Variants in GRIK2 observed in about 807,000 individuals in gnomAD.
GRIK2 encodes glutamate ionotropic receptor kainate type subunit 2, also known as glutamate receptor ionotropic, kainate 2.
GRIK2 carries 32 observed loss-of-function variants against 100.3 expected under a neutral mutation model. The observed-to-expected ratio is 0.32, with a 90% confidence interval of 0.24 to 0.43. GRIK2 has a LOEUF of 0.43. Ranked by LOEUF, GRIK2 falls within the 20% of genes least tolerant of loss-of-function variation. GRIK2 has a pLI of 1.00. For missense variants in GRIK2, 843 were observed against 1,114.9 expected (o/e 0.76, Z 3.47); for synonymous variants, 417 against 389.4 (o/e 1.07, Z -0.83).
chr6:101,406,636 A>G (rs1775605311), intron 2 of GRIK2, among the ~76,000 whole-genome samples: 1 of 152,146 alleles, frequency 6.6e-6, no homozygotes, highest in Non-Finnish European at 1.5e-5. Context: ...AGATGCTCAG[A>G]TACAGAAGAA....
intron 14 of GRIK2, among the ~76,000 whole-genome samples, chr6:102,004,396 G>C (rs923898650): frequency 6.6e-6 from 1 of 150,614 alleles, no homozygotes; most frequent in East Asian, 2.0e-4. Flanking sequence ...CTTTTAGGAT[G>C]TTAGAGAGTG....
chr6:101,927,066 C>A (rs74784093), intron 13 of GRIK2, among the ~76,000 whole-genome samples: 1 of 152,024 alleles, frequency 6.6e-6, no homozygotes, highest in Admixed American at 6.6e-5. Context: ...CAGAAAGGTA[C>A]TTTTCTGTTT....
At chr6:101,691,680 A>G (rs1345970907) in intron 7 of GRIK2, among the ~76,000 whole-genome samples, 1 of 152,128 alleles carries the variant, frequency 6.6e-6, no homozygotes, top group Admixed American at 6.5e-5. Context: ...AAAGGAAGAG[A>G]TAATGTTTAT....
At chr6:101,763,075 C>T (rs555302730) in intron 7 of GRIK2, among the ~76,000 whole-genome samples, 11 of 152,118 alleles carry the variant, frequency 7.2e-5, no homozygotes, top group Admixed American at 3.3e-4. Context: ...TGGAGACGCT[C>T]ATGTACAAAT....
intron 2 of GRIK2, among the ~76,000 whole-genome samples, chr6:101,480,897 A>G (rs537449736): frequency 1.3e-5 from 2 of 152,336 alleles, no homozygotes; most frequent in African/African-American, 4.8e-5. Context: ...AATTGAAAGC[A>G]GTAAAAAAAC....
intron 2 of GRIK2, among the ~76,000 whole-genome samples, chr6:101,437,018 C>G (rs1377081828): frequency 6.6e-6 from 1 of 150,400 alleles, no homozygotes; most frequent in Non-Finnish European, 1.5e-5. Context: ...AGTTCAATAC[C>G]TATATGGATA....
intron 7 of GRIK2, 132 bp from the exon 8 acceptor site, chr6:101,799,516 G>A (rs1264545586): frequency 1.8e-5 from 12 of 672,666 alleles, no homozygotes; most frequent in Middle Eastern, 2.8e-4. Context: ...TAGAGATAAC[G>A]TTTTCTTCTT....
At chr6:101,459,179 A>G (rs995077319) in intron 2 of GRIK2, among the ~76,000 whole-genome samples, 2 of 152,018 alleles carry the variant, frequency 1.3e-5, no homozygotes, top group Admixed American at 1.3e-4. Flanking sequence ...AAAACTATCC[A>G]TGCATGATTT....
rs191781941 is a variant in GRIK2, at chr6:101,844,441, T to C, written c.1318-14846T>C. On this transcript the variant is annotated intron_variant, in intron 10 of 16. Transcript: ENST00000369134. ...TAAATTTGTGGTAGAAGATTCCTTCTCAAAGAACGACATGGCTTGTGAATG... is the reference window on the plus strand; with the variant it reads ...TAAATTTGTGGTAGAAGATTCCTTCCCAAAGAACGACATGGCTTGTGAATG... Among the ~76,000 whole-genome samples, 375 of 152,288 alleles carry C rather than the reference T, an allele frequency of 2.5e-3. 1 individual carries two copies. The highest frequency in any genetic ancestry group is 3.5e-3 in the Non-Finnish European group (238 of 68,010).
chr6:101,564,309 C>T (rs979541265), intron 2 of GRIK2, among the ~76,000 whole-genome samples: 1 of 152,216 alleles, frequency 6.6e-6, no homozygotes, highest in Non-Finnish European at 1.5e-5. Flanking sequence ...GTGAGGCTCT[C>T]TCTTTGAACA....
At chr6:101,608,316 A>G (rs1251779966) in intron 2 of GRIK2, among the ~76,000 whole-genome samples, 1 of 151,930 alleles carries the variant, frequency 6.6e-6, no homozygotes, top group Non-Finnish European at 1.5e-5. Flanking sequence ...ACGATTGCAC[A>G]GTATTCCTCT....
At chr6:101,451,573 G>A (rs1410803486) in intron 2 of GRIK2, among the ~76,000 whole-genome samples, 1 of 151,352 alleles carries the variant, frequency 6.6e-6, no homozygotes, top group Non-Finnish European at 1.5e-5. Context: ...CATGAAGACA[G>A]CATGGAATGG....
intron 2 of GRIK2, among the ~76,000 whole-genome samples, chr6:101,498,950 A>G (rs978850609): frequency 6.6e-6 from 1 of 152,240 alleles, no homozygotes; most frequent in South Asian, 2.1e-4. Context: ...GCCCATGCCT[A>G]TGTCCTGAAT....
rs1391694433 is a variant in GRIK2, at chr6:102,069,310, TAATAA to T, written c.*800_*804del. 2.0e-5 allele frequency: 3 copies of T among 146,536 alleles called. No individual in the cohort carries two copies. The highest frequency in any genetic ancestry group is 7.4e-5 in the African/African-American group (3 of 40,500). 9.1% of individuals were successfully genotyped at this position (146,536 alleles called of 1,614,324 possible). On this transcript the variant is annotated 3_prime_UTR_variant, in exon 17 of 17. Transcript: ENST00000369134. ...CCCATATCCCAAATAATAATAATAA[TAATAA>T]TAATAATAATAATAATAATAATAAA...
chr6:101,771,038 T>A (rs980879866), intron 7 of GRIK2, among the ~76,000 whole-genome samples: 10 of 152,134 alleles, frequency 6.6e-5, no homozygotes, highest in Non-Finnish European at 2.9e-5. Flanking sequence ...TTATTTATGG[T>A]TTGATTTTAT....
At chr6:101,774,253 T>G (rs1778594849) in intron 7 of GRIK2, among the ~76,000 whole-genome samples, 1 of 152,198 alleles carries the variant, frequency 6.6e-6, no homozygotes. Context: ...TCTATTTTAA[T>G]TCATCATATT....
chr6:101,518,222 T>C (rs193135366), intron 2 of GRIK2, among the ~76,000 whole-genome samples: 46 of 152,276 alleles, frequency 3.0e-4, no homozygotes, highest in Admixed American at 2.8e-3. Flanking sequence ...TGCTTAATTT[T>C]AGTTAGAGAG....
chr6:101,957,288 T>C (rs1452056058), intron 14 of GRIK2, among the ~76,000 whole-genome samples: 1 of 151,754 alleles, frequency 6.6e-6, no homozygotes, highest in Admixed American at 6.6e-5. Context: ...GCTGCTTGTA[T>C]GTCTTATTCT....
chr6:101,879,585 A>G (rs1251646652), intron 11 of GRIK2, among the ~76,000 whole-genome samples: 1 of 151,920 alleles, frequency 6.6e-6, no homozygotes, highest in African/African-American at 2.4e-5. Flanking sequence ...CATCATAGTC[A>G]TGATCATAAC....
Sources: gnomAD v4.1 joint callset for allele counts (sites outside exome capture counted in the v4.1 genomes callset) on GRCh38, gnomAD v4.1.1 for gene constraint, MANE v1.5 for transcripts, NCBI Gene and HGNC (gene_info 2026-07-23, HGNC 2026-07-21) for gene names.